INPP5D: variants seen among roughly 807,000 people sequenced by gnomAD.
INPP5D encodes phosphatidylinositol 3,4,5-trisphosphate 5-phosphatase 1.
A neutral mutation model predicts 122.9 loss-of-function variants in INPP5D; 33 were observed. The observed-to-expected ratio is 0.27, with a 90% confidence interval of 0.20 to 0.36. INPP5D has a LOEUF of 0.36. Among genes scored for constraint, INPP5D ranks in the 10% least tolerant of loss-of-function variants. The probability of loss-of-function intolerance (pLI) is 1.00; values close to 1 mark genes in which losing one functional copy is unlikely to be tolerated. For synonymous variants in INPP5D, 584 were observed against 576.2 expected (o/e 1.01, Z -0.19); for missense variants, 1,053 against 1,412.7 (o/e 0.75, Z 4.08).
chr2:233,146,219 C>T lies in INPP5D; in HGVS notation c.811C>T (p.Leu271=). Residue 271 remains leucine, a synonymous_variant, in exon 7 of 27, where the codon CTG becomes TTG. Transcript: ENST00000445964. The part of the protein sequence containing the change: ...MVSKLSQLTS[L]LSSIEDKVKA... ...GTCCAAGCTCAGCCAACTGACAAGC[C>T]TGTTGTCGTCCATTGAAGACAAGGT... The T allele has an allele frequency of 1.4e-6, 1 of 704,272 alleles. No homozygotes were observed. Among genetic ancestry groups the T allele is most frequent in the Non-Finnish European group, 2.6e-6 (1 of 385,010 alleles). 43.6% of individuals were successfully genotyped at this position (704,272 alleles called of 1,614,324 possible). A position where few individuals can be genotyped will look rare whatever the true frequency, so the allele number is the denominator to read the frequency against.
intron 2 of INPP5D, among the ~76,000 whole-genome samples, chr2:233,107,169 C>T (rs1692488619): frequency 6.6e-6 from 1 of 152,176 alleles, no homozygotes; most frequent in African/African-American, 2.4e-5. Flanking sequence ...AGGGTTTCCC[C>T]AGCAGAGGGT....
Position 233,194,178 on chromosome 2 carries a change from C to T in INPP5D, c.2596+217C>T, listed in dbSNP as rs150961728. ...TCCAGCACCCCCAGATCACCCTCCC[C>T]GACCCTGTGGATTTTTTAGGGCCCC... On this transcript the variant is annotated intron_variant, in intron 23 of 26. Transcript: ENST00000445964. Among the ~76,000 whole-genome samples the T allele has an allele frequency of 1.9e-3, 283 of 152,288 alleles. 2 individuals are homozygous for T. Among genetic ancestry groups the T allele is most frequent in the African/African-American group, 6.4e-3 (267 of 41,558 alleles).
At chr2:233,168,035 G>A (rs1464973290) in intron 13 of INPP5D, among the ~76,000 whole-genome samples, 3 of 92,768 alleles carry the variant, frequency 3.2e-5, no homozygotes, top group Non-Finnish European at 5.8e-5. Flanking sequence ...AGAAAGAAAG[G>A]AAGAAAAGAA....
chr2:233,119,030 G>C (rs887559605), intron 2 of INPP5D, among the ~76,000 whole-genome samples: 2 of 152,236 alleles, frequency 1.3e-5, no homozygotes, highest in African/African-American at 2.4e-5. Flanking sequence ...TCAAGTCTAA[G>C]ATGTTTACCT....
intron 8 of INPP5D, among the ~76,000 whole-genome samples, chr2:233,146,720 G>A (rs962205727): frequency 2.2e-4 from 33 of 152,166 alleles, no homozygotes; most frequent in African/African-American, 8.0e-4. Context: ...TCTCAAAATG[G>A]CAGAGATGAG....
chr2:233,204,658 C>A lies in INPP5D; in HGVS notation c.3508C>A (p.His1170Asn). 1 of 1,579,712 alleles carries A rather than the reference C, an allele frequency of 6.3e-7. No individual in the cohort carries two copies. The highest frequency in any genetic ancestry group is 1.3e-5 in the African/African-American group (1 of 74,346). The change falls in exon 26 of 27, where the codon CAC becomes AAC. Residue 1170 changes from histidine (H) to asparagine (N), a missense_variant. His to Asn is a moderately conservative substitution (Grantham distance 68, BLOSUM62 1). Transcript: ENST00000445964. Reference sequence around the variant, plus strand: ...CCGCGACAACACCGAGCTCCCGCATCACGGCAAGCACCGGCCGGAGGAGGG... The same window carrying A: ...CCGCGACAACACCGAGCTCCCGCATAACGGCAAGCACCGGCCGGAGGAGGG... Reference protein sequence around the residue: ...DYRDNTELPHHGKHRPEEGPP... With the variant: ...DYRDNTELPHNGKHRPEEGPP...
chr2:233,132,311 C>T (rs1483055687), intron 5 of INPP5D, among the ~76,000 whole-genome samples: 1 of 152,226 alleles, frequency 6.6e-6, no homozygotes, highest in African/African-American at 2.4e-5. Flanking sequence ...CTTCCCCAGA[C>T]ACTTCTGCAC....
In INPP5D at chr2:233,160,877, C is replaced by T. The variant is rs1694182082; in HGVS notation, c.1138-847C>T. ...CTCAAACTCCTGGGATCAAACAATC[C>T]TTCTGCCTCAGCCTCCCAAAGTCCT... is the stretch of plus-strand genomic sequence containing the variant. On this transcript the variant is annotated intron_variant, in intron 10 of 26. Transcript: ENST00000445964. The surrounding 1 kb of genome is among the most constrained non-coding windows in gnomAD (Gnocchi z 4.2). Among the ~76,000 whole-genome samples, 1 of 152,154 alleles carries T rather than the reference C, an allele frequency of 6.6e-6. No individual in the cohort carries two copies. Among genetic ancestry groups the T allele is most frequent in the African/African-American group, 2.4e-5 (1 of 41,422 alleles).
At chr2:233,095,385 C>A (rs1012248801) in intron 2 of INPP5D, among the ~76,000 whole-genome samples, 1 of 152,052 alleles carries the variant, frequency 6.6e-6, no homozygotes, top group Non-Finnish European at 1.5e-5. Flanking sequence ...TTTGGGAGAC[C>A]GAGGCGGGTG....
At position 233,166,099 on chromosome 2, in the gene INPP5D, C is replaced by T. The variant is rs551846914; in HGVS notation, c.1555+1675C>T. On this transcript the variant is annotated intron_variant, in intron 13 of 26. Coordinates refer to ENST00000445964, the MANE Select transcript of INPP5D (RefSeq NM_001017915.3). ...CACCCCCACTCGTCCCCCTTCCTTC[C>T]TGCCACAGTAGAAGGGTGGGGCTGG... Among the ~76,000 whole-genome samples, 304 of 152,312 alleles carry T rather than the reference C, an allele frequency of 2.0e-3. 1 individual carries two copies. Among genetic ancestry groups the T allele is most frequent in the Non-Finnish European group, 3.2e-3 (219 of 68,016 alleles).
chr2:233,095,615 CAAAAAAAAAAA>C (rs59030376), intron 2 of INPP5D, among the ~76,000 whole-genome samples: 1 of 129,154 alleles, frequency 7.7e-6, no homozygotes, highest in African/African-American at 2.8e-5. Context: ...GAAACTGTCT[CAAAAAAAAAAA>C]AAAAAAAAAA....
At chr2:233,134,161 G>T in intron 5 of INPP5D, 2 of 390,176 alleles carry the variant, frequency 5.1e-6, no homozygotes, top group Non-Finnish European at 1.0e-5. Context: ...AGGAGGAGGA[G>T]GAAGGAGAGG....
At chr2:233,121,623 C>A (rs954862043) in intron 2 of INPP5D, among the ~76,000 whole-genome samples, 6 of 152,044 alleles carry the variant, frequency 3.9e-5, no homozygotes, top group Non-Finnish European at 7.3e-5. Context: ...TCAAGTGATT[C>A]TCCTGTCTCA....
chr2:233,105,571 G>A lies in INPP5D; in HGVS notation c.199-16536G>A, dbSNP rs144013708. ...TTGCTGGACTGTGGGCAGGGCCTGG[G>A]TCTGTGTTGGTCCCTGATGCCGGGG... is the stretch of plus-strand genomic sequence containing the variant. On this transcript the variant is annotated intron_variant, in intron 2 of 26. Transcript: ENST00000445964. The surrounding 1 kb of genome is among the most constrained non-coding windows in gnomAD (Gnocchi z 4.0). Among the ~76,000 whole-genome samples the A allele has an allele frequency of 3.0e-4, 45 of 152,284 alleles. No individual in the cohort carries two copies. In the East Asian group the frequency reaches 7.9e-3, roughly 27 times the overall value.
intron 2 of INPP5D, among the ~76,000 whole-genome samples, chr2:233,118,807 G>A (rs1478825888): frequency 1.3e-5 from 2 of 152,224 alleles, no homozygotes; most frequent in Admixed American, 6.5e-5. Context: ...ACTTGTCAGC[G>A]GCCATTATCA....
intron 21 of INPP5D, among the ~76,000 whole-genome samples, chr2:233,187,877 G>A (rs1240082588): frequency 3.3e-5 from 5 of 152,048 alleles, no homozygotes; most frequent in African/African-American, 9.7e-5. Flanking sequence ...TCCTCCTTTG[G>A]TGAAGGTGGA....
intron 6 of INPP5D, among the ~76,000 whole-genome samples, chr2:233,143,030 G>T (rs1022237936): frequency 2.2e-4 from 33 of 152,116 alleles, no homozygotes; most frequent in Non-Finnish European, 3.5e-4. Context: ...GAGGACCACT[G>T]GGCTAGCCCC....
Position 233,130,756 on chromosome 2 carries a change from G to A in INPP5D, c.665+108G>A, listed in dbSNP as rs138439580. The A allele has an allele frequency of 4.2e-4, 485 of 1,145,512 alleles. 2 individuals are homozygous for A. The African/African-American group carries it at 6.4e-3, about 15-fold the overall frequency. The allele number at this position is 1,145,512 out of a possible 1,614,324, so 71.0% of individuals were successfully genotyped here. A position where few individuals can be genotyped will look rare whatever the true frequency, so the allele number is the denominator to read the frequency against. Reference sequence around the variant, plus strand: ...GCCTGGCTGAACAAATGCCTCTGCCGCACTCACAATAATTGAGTGGTGAGC... The same window carrying A: ...GCCTGGCTGAACAAATGCCTCTGCCACACTCACAATAATTGAGTGGTGAGC... On this transcript the variant is annotated intron_variant, in intron 5 of 26. Transcript: ENST00000445964.
chr2:233,122,027 C>G (rs1692997451), intron 2 of INPP5D, 80 bp from the exon 3 acceptor site: 1 of 1,528,650 alleles, frequency 6.5e-7, no homozygotes, highest in Non-Finnish European at 9.0e-7. Flanking sequence ...CCTCGCTGGT[C>G]TCTGCTGCAG....
Sources: gnomAD v4.1 joint callset for allele counts (sites outside exome capture counted in the v4.1 genomes callset) on GRCh38, gnomAD v4.1.1 for gene constraint, Gnocchi (gnomAD v3.1) non-coding constraint, MANE v1.5 for transcripts, NCBI Gene and HGNC (gene_info 2026-07-23, HGNC 2026-07-21) for gene names.